Variants in MB observed in about 807,000 individuals in gnomAD.
MB encodes nitrite reductase MB.
A neutral mutation model predicts 14.5 loss-of-function variants in MB; 10 were observed. The ratio of observed to expected loss-of-function variants is 0.69; its 90% confidence interval spans 0.43 to 1.17. The LOEUF is 1.17. MB is among the 50% of genes most tolerant of loss of function. The pLI, the probability that MB is intolerant of heterozygous loss-of-function variation, is 0.00. For missense variants in MB, 169 were observed against 192.7 expected, an observed-to-expected ratio of 0.88 and a Z score of 0.73; for synonymous variants, 89 against 78.6, an observed-to-expected ratio of 1.13 and a Z score of -0.70.
intron 1 of MB, among the ~76,000 whole-genome samples, chr22:35,613,128 T>C (rs1922773908): frequency 6.6e-6 from 1 of 152,234 alleles, no homozygotes; most frequent in East Asian, 1.9e-4. Flanking sequence ...CTGGCGACAA[T>C]GATCCTTGAA....
intron 2 of MB, among the ~76,000 whole-genome samples, chr22:35,610,437 A>G (rs923780658): frequency 2.0e-5 from 3 of 152,192 alleles, no homozygotes; most frequent in African/African-American, 7.2e-5. Flanking sequence ...CCAGTGGCAC[A>G]GCAGTTAGGG....
At chr22:35,607,733 G>T (rs1483646272) in intron 2 of MB, among the ~76,000 whole-genome samples, 1 of 152,062 alleles carries the variant, frequency 6.6e-6, no homozygotes, top group Non-Finnish European at 1.5e-5. Flanking sequence ...CGGAGCCCAC[G>T]CTCTTACTCA....
rs1922199695 is a variant in MB, at chr22:35,607,132, C to T, written c.*165G>A. The T allele has an allele frequency of 2.7e-6, 2 of 735,610 alleles. No individual in the cohort carries two copies. The highest frequency in any genetic ancestry group is 2.6e-5 in the South Asian group (1 of 38,032). 45.6% of individuals were successfully genotyped at this position (735,610 alleles called of 1,614,324 possible). ...ACAGGGAGGCGCATCGCTGGGCATG[C>T]AAAGCCAACTTCAACACCCCAGCCC... On this transcript the variant is annotated 3_prime_UTR_variant, in exon 3 of 3. Transcript: ENST00000397326.
chr22:35,613,879 C>A (rs1188387681), intron 1 of MB, among the ~76,000 whole-genome samples: 1 of 152,240 alleles, frequency 6.6e-6, no homozygotes, highest in East Asian at 1.9e-4. Flanking sequence ...CAGCTGCCTG[C>A]CTCCTGTGGG....
chr22:35,607,199 A>C lies in MB; in HGVS notation c.*98T>G. 7.2e-7 allele frequency: 1 copy of C among 1,387,752 alleles called. No homozygotes were observed. The highest frequency in any genetic ancestry group is 9.7e-7 in the Non-Finnish European group (1 of 1,031,570). 86.0% of individuals were successfully genotyped at this position (1,387,752 alleles called of 1,614,324 possible). A position where few individuals can be genotyped will look rare whatever the true frequency, so the allele number is the denominator to read the frequency against. ...CCTGCCCACCTCTACTAAACAAAGCAGACACTCAGAAGCAAACTCTATATG... is the reference window on the plus strand; with the variant it reads ...CCTGCCCACCTCTACTAAACAAAGCCGACACTCAGAAGCAAACTCTATATG... On this transcript the variant is annotated 3_prime_UTR_variant, in exon 3 of 3. Transcript: ENST00000397326.
At chr22:35,618,934 CTCCA>C (rs1475748602), upstream of MB, among the ~76,000 whole-genome samples, 1 of 147,776 alleles carries the variant, frequency 6.8e-6, no homozygotes, top group African/African-American at 2.5e-5. Context: ...TCCTCCATCC[CTCCA>C]TCCATCCATC....
Position 35,611,147 on chromosome 22 carries a change from G to A in MB, c.96-41C>T, listed in dbSNP as rs368713692. 3.3e-5 allele frequency: 48 copies of A among 1,465,510 alleles called. 1 individual carries two copies. The highest frequency in any genetic ancestry group is 1.8e-4 in the Middle Eastern group (1 of 5,704). The allele number at this position is 1,465,510 out of a possible 1,614,324, so 90.8% of individuals were successfully genotyped here. On this transcript the variant is annotated intron_variant, in intron 1 of 2. Transcript: ENST00000397326. ...AGGCTGGAGTCGGCATGGGAGGTGC[G>A]GTGTGAGGTCTGGGGGCAGCCAGAC...
chr22:35,608,569 C>T lies in MB; in HGVS notation c.319-1126G>A, dbSNP rs554499027. 2.0e-5 allele frequency among the ~76,000 whole-genome samples: 3 copies of T among 152,328 alleles called. No individual in the cohort carries two copies. The highest frequency in any genetic ancestry group is 2.0e-4 in the Admixed American group (3 of 15,300). Reference sequence around the variant, plus strand: ...GAAAGAGGGGCAGCTCCACAAACGCCTACTCTTGGGCATCAAGGTGGATGC... The same window carrying T: ...GAAAGAGGGGCAGCTCCACAAACGCTTACTCTTGGGCATCAAGGTGGATGC... On this transcript the variant is annotated intron_variant, in intron 2 of 2. Transcript: ENST00000397326. This position sits in a 1 kb window ranked among gnomAD's most constrained non-coding sequence, Gnocchi z 4.3.
chr22:35,615,795 T>C (rs554151770), intron 1 of MB: 1 of 152,262 alleles, frequency 6.6e-6, no homozygotes, highest in East Asian at 1.9e-4. Flanking sequence ...TGTGTGTTGG[T>C]CGGGGGAGCA....
Position 35,617,089 on chromosome 22 carries a change from C to G in MB, c.95+74G>C. On this transcript the variant is annotated intron_variant, in intron 1 of 2. Coordinates refer to ENST00000397326, the MANE Select transcript of MB (RefSeq NM_005368.3). Reference sequence around the variant, plus strand: ...CCAACTGACCTACCCCACGTGCAAACTTTCCACCTTGCAGCTGAACACCCT... The same window carrying G: ...CCAACTGACCTACCCCACGTGCAAAGTTTCCACCTTGCAGCTGAACACCCT... The G allele has an allele frequency of 2.4e-6, 3 of 1,230,686 alleles. No homozygotes were observed. In the South Asian group the frequency reaches 3.6e-5, roughly 15 times the overall value. 76.2% of individuals were successfully genotyped at this position (1,230,686 alleles called of 1,614,324 possible).
rs922481047 is a variant in MB at position 35,607,117 on chromosome 22, G to A, written c.*180C>T. 14 of 579,600 alleles carry A rather than the reference G, an allele frequency of 2.4e-5. No individual in the cohort carries two copies. Among genetic ancestry groups the A allele is most frequent in the East Asian group, 8.4e-5 (3 of 35,606 alleles). 35.9% of individuals were successfully genotyped at this position (579,600 alleles called of 1,614,324 possible). ...GGGTGATGACATCCCACAGGGAGGCGCATCGCTGGGCATGCAAAGCCAACT... is the reference window on the plus strand; with the variant it reads ...GGGTGATGACATCCCACAGGGAGGCACATCGCTGGGCATGCAAAGCCAACT... On this transcript the variant is annotated 3_prime_UTR_variant, in exon 3 of 3. Coordinates refer to ENST00000397326, the MANE Select transcript of MB (RefSeq NM_005368.3).
intron 1 of MB, among the ~76,000 whole-genome samples, chr22:35,616,144 C>T (rs992257693): frequency 2.9e-4 from 44 of 152,298 alleles, no homozygotes; most frequent in South Asian, 1.5e-3. Flanking sequence ...GCAACCCCGG[C>T]GCCCACTTCC....
At chr22:35,614,502 A>G (rs1922908363) in intron 1 of MB, among the ~76,000 whole-genome samples, 2 of 151,166 alleles carry the variant, frequency 1.3e-5, no homozygotes, top group Non-Finnish European at 3.0e-5. Context: ...AAAAAAAAAA[A>G]GGAGCAAGGA....
chr22:35,617,171 G>A lies in MB; in HGVS notation c.87C>T (p.Val29=). The A allele has an allele frequency of 6.2e-7, 1 of 1,612,972 alleles. No homozygotes were observed. The highest frequency in any genetic ancestry group is 1.7e-5 in the Admixed American group (1 of 60,014). ...EADIPGHGQE[V]LIRLFKGHPE... ...GAATCTCTTCCTTTTACCTGATGAGGACTTCCTGCCCATGGCCTGGGATGT... is the reference window on the plus strand; with the variant it reads ...GAATCTCTTCCTTTTACCTGATGAGAACTTCCTGCCCATGGCCTGGGATGT... Residue 29 remains valine, a synonymous_variant, in exon 1 of 3, where the codon GTC becomes GTT. Transcript: ENST00000397326.
chr22:35,618,778 C>T (rs1481281373), upstream of MB, among the ~76,000 whole-genome samples: 3 of 151,614 alleles, frequency 2.0e-5, no homozygotes, highest in African/African-American at 7.3e-5. Context: ...CCATCCATCC[C>T]TCAATTCATT....
chr22:35,620,401 T>G (rs1228425668), upstream of MB, among the ~76,000 whole-genome samples: 1 of 152,212 alleles, frequency 6.6e-6, no homozygotes, highest in African/African-American at 2.4e-5. Context: ...GTCATCTGTT[T>G]GTTCCTTTGT....
chr22:35,610,898 C>T lies in MB; in HGVS notation c.304G>A (p.Val102Met), dbSNP rs751293131. 5.6e-6 allele frequency: 9 copies of T among 1,613,860 alleles called. No individual in the cohort carries two copies. The highest frequency in any genetic ancestry group is 1.7e-5 in the Admixed American group (1 of 60,004). ...TCTGCTCCTACCTCCAGGTACTTCA[C>T]GGGGATCTTGTGCTTGGTGGCATGC... Reference protein sequence around the residue: ...QSHATKHKIPVKYLEFISECI... With the variant: ...QSHATKHKIPMKYLEFISECI... The change falls in exon 2 of 3, where the codon GTG (valine) becomes ATG (methionine). Residue 102 changes from valine to methionine, a missense_variant. Val to Met is a conservative substitution (Grantham distance 21, BLOSUM62 1). Transcript: ENST00000397326.
At chr22:35,621,367 G>T (rs771033059), upstream of MB, among the ~76,000 whole-genome samples, 2 of 152,018 alleles carry the variant, frequency 1.3e-5, no homozygotes, top group African/African-American at 2.4e-5. Context: ...CATCCTCAAG[G>T]CTCCCAATTC....
chr22:35,613,143 C>T (rs1210172228), intron 1 of MB, among the ~76,000 whole-genome samples: 2 of 152,230 alleles, frequency 1.3e-5, no homozygotes, highest in Non-Finnish European at 2.9e-5. Context: ...CTTGAACTCC[C>T]GCCTGACAGA....
Sources: gnomAD v4.1 joint callset for allele counts (sites outside exome capture counted in the v4.1 genomes callset) on GRCh38, gnomAD v4.1.1 for gene constraint, Gnocchi (gnomAD v3.1) non-coding constraint, MANE v1.5 for transcripts, NCBI Gene and HGNC (gene_info 2026-07-23, HGNC 2026-07-21) for gene names.